MEGF9: variants seen among roughly 807,000 people sequenced by gnomAD.
MEGF9 encodes the protein multiple EGF like domains 9.
In MEGF9, 6 loss-of-function variants were observed where a neutral mutation model predicts 46.8. The ratio of observed to expected loss-of-function variants is 0.13; its 90% CI spans 0.07 to 0.25. The LOEUF is 0.25. Ranked by LOEUF, MEGF9 falls within the 10% of genes least tolerant of loss-of-function variation. MEGF9 has a pLI of 1.00. For missense variants in MEGF9, 683 were observed against 792.4 expected (o/e 0.86, Z 1.66); for synonymous variants, 302 against 330.7 (o/e 0.91, Z 0.94).
In MEGF9 at chr9:120,605,119, T is replaced by TTGTC; in HGVS notation, c.*67_*70dup. On this transcript the variant is annotated 3_prime_UTR_variant, in exon 6 of 6. Coordinates refer to ENST00000373930, the MANE Select transcript of MEGF9 (RefSeq NM_001080497.3). This position sits in a 1 kb window ranked among gnomAD's most constrained non-coding sequence, Gnocchi z 4.0. Reference sequence around the variant, plus strand: ...TTTCTCAGCAAACTCTAGCCAGGCTTTGTCTGGCCCAGGGGCTGACTCTGT... The same window carrying TTGTC: ...TTTCTCAGCAAACTCTAGCCAGGCTTTGTCTGTCTGGCCCAGGGGCTGACTCTGT... The TTGTC allele has an allele frequency of 6.8e-7, 1 of 1,461,380 alleles. No individual in the cohort carries two copies. The highest frequency in any genetic ancestry group is 2.2e-4 in the Middle Eastern group (1 of 4,446). The allele number at this position is 1,461,380 out of a possible 1,614,324, so 90.5% of individuals were successfully genotyped here.
chr9:120,689,332 T>G (rs2043838087), intron 1 of MEGF9, among the ~76,000 whole-genome samples: 1 of 151,970 alleles, frequency 6.6e-6, no homozygotes, highest in South Asian at 2.1e-4. Flanking sequence ...TATAGAGAAC[T>G]GGAAAAAGTG....
rs568210160 is a variant in MEGF9 at position 120,668,607 on chromosome 9, T to A, written c.602-9032A>T. Reference sequence around the variant, plus strand: ...CTGCCAGTTTTCCACAATTCAGAGATAATTCATCTAATTAATGAGACAAGA... The same window carrying A: ...CTGCCAGTTTTCCACAATTCAGAGAAAATTCATCTAATTAATGAGACAAGA... On this transcript the variant is annotated intron_variant, in intron 1 of 5. Coordinates refer to ENST00000373930, the MANE Select transcript of MEGF9 (RefSeq NM_001080497.3). 5.3e-5 allele frequency among the ~76,000 whole-genome samples: 8 copies of A among 152,346 alleles called. No individual in the cohort carries two copies. The East Asian group carries it at 1.5e-3, about 29-fold the overall frequency.
At position 120,622,609 on chromosome 9, in the gene MEGF9, T is replaced by C. The variant is rs2043505067; in HGVS notation, c.943+7A>G. On this transcript the variant is annotated splice_region_variant and intron_variant, in intron 3 of 5. Transcript: ENST00000373930. Reference sequence around the variant, plus strand: ...AATTACATGACAAAGTTAAGGAAAGTACGTACCTGTGAGGGCATCGCAACT... The same window carrying C: ...AATTACATGACAAAGTTAAGGAAAGCACGTACCTGTGAGGGCATCGCAACT... 6.2e-7 allele frequency: 1 copy of C among 1,613,336 alleles called. No individual in the cohort carries two copies. Among genetic ancestry groups the C allele is most frequent in the Non-Finnish European group, 8.5e-7 (1 of 1,179,754 alleles).
chr9:120,627,875 A>G (rs915493670), intron 2 of MEGF9, among the ~76,000 whole-genome samples: 11 of 152,234 alleles, frequency 7.2e-5, no homozygotes, highest in Non-Finnish European at 1.3e-4. Flanking sequence ...CATGAAGACA[A>G]TAAGAAACAC....
chr9:120,688,705 G>C (rs910401913), intron 1 of MEGF9, among the ~76,000 whole-genome samples: 2 of 152,168 alleles, frequency 1.3e-5, no homozygotes, highest in African/African-American at 4.8e-5. Flanking sequence ...TGTTGTGGGA[G>C]TGCAATTTTA....
intron 1 of MEGF9, among the ~76,000 whole-genome samples, chr9:120,696,012 A>G (rs1352983392): frequency 1.3e-5 from 2 of 152,208 alleles, no homozygotes; most frequent in Admixed American, 6.5e-5. Context: ...GGTGGCAAAC[A>G]GGGAGATGGA....
intron 1 of MEGF9, among the ~76,000 whole-genome samples, chr9:120,675,649 G>C (rs1415049948): frequency 2.2e-5 from 2 of 89,462 alleles, no homozygotes; most frequent in African/African-American, 5.7e-5. Context: ...AGCACTTTGG[G>C]AGGCCGAGGG....
intron 3 of MEGF9, among the ~76,000 whole-genome samples, chr9:120,620,422 TTG>T (rs1266217917): frequency 1.3e-5 from 2 of 152,136 alleles, no homozygotes; most frequent in African/African-American, 4.8e-5. Flanking sequence ...ATGCTAGAGA[TTG>T]TGTATACAAT....
At chr9:120,712,112 G>T (rs1347566780) in intron 1 of MEGF9, among the ~76,000 whole-genome samples, 1 of 152,066 alleles carries the variant, frequency 6.6e-6, no homozygotes, top group Non-Finnish European at 1.5e-5. Flanking sequence ...CAAAAAATTA[G>T]CTGGGTGTGG....
At chr9:120,712,217 C>G (rs2043957190) in intron 1 of MEGF9, among the ~76,000 whole-genome samples, 1 of 152,118 alleles carries the variant, frequency 6.6e-6, no homozygotes, top group Admixed American at 6.5e-5. Context: ...AAGATTGTGC[C>G]ACTGCACTTC....
intron 1 of MEGF9, among the ~76,000 whole-genome samples, chr9:120,681,436 C>T (rs1049836901): frequency 1.3e-5 from 2 of 152,142 alleles, no homozygotes; most frequent in African/African-American, 4.8e-5. Context: ...TCTTTGCATC[C>T]TCTCCTTAAA....
Position 120,629,914 on chromosome 9 carries a change from C to T in MEGF9, c.804-7159G>A, listed in dbSNP as rs529079856. Among the ~76,000 whole-genome samples the T allele has an allele frequency of 1.2e-3, 172 of 149,170 alleles. 1 individual carries two copies. Among genetic ancestry groups the T allele is most frequent in the South Asian group, 0.011 (50 of 4,710 alleles). On this transcript the variant is annotated intron_variant, in intron 2 of 5. Transcript: ENST00000373930. Reference sequence around the variant, plus strand: ...CATCACTGCACTCCAGCCTGGGCAACAGAGTGAGACTCCGTCTCAAAAAAA... The same window carrying T: ...CATCACTGCACTCCAGCCTGGGCAATAGAGTGAGACTCCGTCTCAAAAAAA...
chr9:120,612,208 C>CT (rs1587972871), intron 4 of MEGF9, among the ~76,000 whole-genome samples, 188 bp downstream of exon 4: 1 of 152,098 alleles, frequency 6.6e-6, no homozygotes, highest in Non-Finnish European at 1.5e-5. Context: ...TTTTTAGACA[C>CT]TTTAAGTCTC....
At chr9:120,651,469 C>G (rs1262768951) in intron 2 of MEGF9, among the ~76,000 whole-genome samples, 4 of 152,062 alleles carry the variant, frequency 2.6e-5, no homozygotes. Flanking sequence ...AGGCAAATTA[C>G]CTAACTTGCA....
At chr9:120,701,852 G>A (rs2043906616) in intron 1 of MEGF9, among the ~76,000 whole-genome samples, 1 of 152,074 alleles carries the variant, frequency 6.6e-6, no homozygotes, top group Non-Finnish European at 1.5e-5. Context: ...AGACCATCCT[G>A]GCTAATATGC....
intron 1 of MEGF9, among the ~76,000 whole-genome samples, chr9:120,702,012 C>T (rs2043907674): frequency 6.6e-6 from 1 of 151,254 alleles, no homozygotes; most frequent in Non-Finnish European, 1.5e-5. Context: ...CACTGCTCTC[C>T]AGCCTAGGCG....
chr9:120,662,949 T>A (rs1267966096), intron 1 of MEGF9, among the ~76,000 whole-genome samples: 1 of 152,180 alleles, frequency 6.6e-6, no homozygotes, highest in Admixed American at 6.5e-5. Flanking sequence ...TAACAATATG[T>A]GTGCCTTAAA....
chr9:120,619,351 A>AAAAACAAAAC (rs373159104), intron 3 of MEGF9, among the ~76,000 whole-genome samples: 2 of 152,248 alleles, frequency 1.3e-5, no homozygotes, highest in Non-Finnish European at 2.9e-5. Flanking sequence ...CTGTTTCAGA[A>AAAAACAAAAC]AAAACAAAAC....
Position 120,714,253 on chromosome 9 carries a change from C to T in MEGF9, c.106G>A (p.Ala36Thr), listed in dbSNP as rs2043968020. Residue 36 changes from alanine to threonine, a missense_variant, in exon 1 of 6, where the codon GCC becomes ACC. Physicochemically the swap from Ala to Thr is moderately conservative, Grantham distance 58 (BLOSUM62 0). This residue lies in a region of MEGF9 where 370 missense variants were observed against 371.3 expected (regional missense o/e 1.00). Coordinates refer to ENST00000373930, the MANE Select transcript of MEGF9 (RefSeq NM_001080497.3). Reference protein sequence around the residue: ...AAAAAAVASAASAGNVTGGGG... With the variant: ...AAAAAAVASATSAGNVTGGGG... ...CCACCGGTGACATTCCCCGCCGAGG[C>T]GGCTGAGGCGACGGCGGCGGCGGCG... 2.5e-6 allele frequency: 3 copies of T among 1,214,308 alleles called. No homozygotes were observed. Among genetic ancestry groups the T allele is most frequent in the African/African-American group, 1.8e-5 (1 of 54,410 alleles). 75.2% of individuals were successfully genotyped at this position (1,214,308 alleles called of 1,614,324 possible).
Sources: gnomAD v4.1 joint callset for allele counts (sites outside exome capture counted in the v4.1 genomes callset) on GRCh38, gnomAD v4.1.1 for gene constraint, gnomAD v4.1.1 regional missense constraint, Gnocchi (gnomAD v3.1) non-coding constraint, MANE v1.5 for transcripts, NCBI Gene and HGNC (gene_info 2026-07-23, HGNC 2026-07-21) for gene names.